Variants in DMD observed in about 807,000 individuals in gnomAD.
DMD encodes the protein mutant dystrophin.
A neutral mutation model predicts 330.1 loss-of-function variants in DMD; 63 were observed. That is an observed-to-expected ratio of 0.19 (90% CI 0.16 to 0.24). The LOEUF (loss-of-function observed/expected upper bound fraction) is 0.24, where lower values mean the gene tolerates loss of function less well. DMD is among the 10% of genes least tolerant of loss of function. The pLI, the probability that DMD is intolerant of heterozygous loss-of-function variation, is 1.00. For synonymous variants in DMD, 1,223 were observed against 959.8 expected (o/e 1.27, Z -5.07); for missense variants, 3,344 against 2,684.1 (o/e 1.25, Z -5.43).
At chrX:31,640,377 A>G (rs1440002549) in intron 54 of DMD, among the ~76,000 whole-genome samples, 1 of 112,481 alleles carries the variant, frequency 8.9e-6, no homozygotes, top group Non-Finnish European at 1.9e-5. Context: ...AACTATTTTA[A>G]GTTTACCTAA....
chrX:31,632,128 C>CCA (rs749477402), intron 54 of DMD, among the ~76,000 whole-genome samples: 1 of 110,702 alleles, frequency 9.0e-6, no homozygotes, highest in Admixed American at 9.7e-5. Flanking sequence ...CCTACTCCCG[C>CCA]CACACACACA....
intron 13 of DMD, among the ~76,000 whole-genome samples, chrX:32,578,714 T>C (rs1355385824): frequency 9.0e-6 from 1 of 111,557 alleles, no homozygotes; most frequent in Admixed American, 9.6e-5. Flanking sequence ...GGATAGAATA[T>C]GAAACCTAAA....
intron 2 of DMD, among the ~76,000 whole-genome samples, chrX:32,863,537 T>TACACACACACACACACACAC (rs199774174): frequency 9.1e-4 from 71 of 78,217 alleles, no homozygotes; most frequent in African/African-American, 3.8e-3. Flanking sequence ...ATTGTGTTTA[T>TACACACACACACACACACAC]ACACACACAC....
chrX:32,366,512 GAT>G (rs1193332634), intron 34 of DMD, among the ~76,000 whole-genome samples: 1 of 112,218 alleles, frequency 8.9e-6, no homozygotes, highest in African/African-American at 3.2e-5. Context: ...AGAAAGTCCA[GAT>G]ACAAATAATC....
At chrX:32,254,871 G>T (rs929339649) in intron 43 of DMD, among the ~76,000 whole-genome samples, 1 of 111,820 alleles carries the variant, frequency 8.9e-6, no homozygotes, top group East Asian at 2.8e-4. Flanking sequence ...TTCAACCATT[G>T]TAAGTGTATA....
chrX:33,122,023 C>T (rs867179506), intron 1 of DMD, among the ~76,000 whole-genome samples: 1 of 111,584 alleles, frequency 9.0e-6, no homozygotes, highest in Non-Finnish European at 1.9e-5. Context: ...GTCAGGAGTT[C>T]GAGACCAGCC....
At chrX:32,424,473 T>C (rs67323825) in intron 29 of DMD, among the ~76,000 whole-genome samples, 3,384 of 111,533 alleles carry the variant, frequency 0.03, 124 homozygotes, top group African/African-American at 0.094. Flanking sequence ...TGAGCCTAAA[T>C]TGTTAACTCC....
At chrX:33,030,658 C>G (rs753876775) in intron 1 of DMD, among the ~76,000 whole-genome samples, 100 of 111,520 alleles carry the variant, frequency 9.0e-4, no homozygotes, top group African/African-American at 3.1e-3. Context: ...GTCAAGGTCT[C>G]CAGTGTAATT....
At chrX:32,772,601 G>C (rs767816347) in intron 7 of DMD, among the ~76,000 whole-genome samples, 7 of 111,992 alleles carry the variant, frequency 6.3e-5, no homozygotes, top group African/African-American at 2.3e-4. Flanking sequence ...CAGCTCAAGA[G>C]CCTATGCTCT....
At chrX:32,677,332 T>C (rs1459539570) in intron 9 of DMD, among the ~76,000 whole-genome samples, 1 of 111,437 alleles carries the variant, frequency 9.0e-6, no homozygotes, top group Non-Finnish European at 1.9e-5. Flanking sequence ...ATTATATCAT[T>C]TGGAGATATA....
At chrX:31,663,257 G>A (rs1012703349) in intron 53 of DMD, among the ~76,000 whole-genome samples, 2 of 111,392 alleles carry the variant, frequency 1.8e-5, no homozygotes, top group African/African-American at 6.5e-5. Flanking sequence ...CCTTACATTG[G>A]GTGAATTAGC....
chrX:32,782,055 T>C (rs1372155469), intron 7 of DMD, among the ~76,000 whole-genome samples: 1 of 111,832 alleles, frequency 8.9e-6, no homozygotes, highest in Admixed American at 9.5e-5. Flanking sequence ...TATGAAATAG[T>C]AACATGGTAA....
intron 19 of DMD, among the ~76,000 whole-genome samples, chrX:32,492,309 G>A (rs756722000): frequency 1.8e-5 from 2 of 112,651 alleles, no homozygotes; most frequent in African/African-American, 6.4e-5. Flanking sequence ...CTGCACTCCA[G>A]CCTGGGTGAC....
intron 1 of DMD, among the ~76,000 whole-genome samples, chrX:33,142,618 C>T (rs776323038): frequency 1.8e-5 from 2 of 111,772 alleles, no homozygotes; most frequent in Admixed American, 1.9e-4. Context: ...CAGCCTCCCC[C>T]GAATAAATGA....
At chrX:31,628,942 A>ATATATATATATATATATATATATAT (rs1556765554) in intron 54 of DMD, among the ~76,000 whole-genome samples, 4 of 104,111 alleles carry the variant, frequency 3.8e-5, no homozygotes, top group African/African-American at 6.9e-5. Flanking sequence ...ATATATATAT[A>ATATATATATATATATATATATATAT]AAATGCATGT....
In DMD at chrX:32,636,578, T is replaced by C. The variant is rs187268848; in HGVS notation, c.1331+7554A>G. On this transcript the variant is annotated intron_variant, in intron 11 of 78. Coordinates refer to ENST00000357033, the MANE Select transcript of DMD (RefSeq NM_004006.3). ...CATCCATATAGCTGAACAGTTTAATTATTAATATTTTTCAACTATCCGAGG... is the reference window on the plus strand; with the variant it reads ...CATCCATATAGCTGAACAGTTTAATCATTAATATTTTTCAACTATCCGAGG... Among the ~76,000 whole-genome samples the C allele has an allele frequency of 5.7e-3, 644 of 112,207 alleles. 5 individuals carry two copies. Among genetic ancestry groups the C allele is most frequent in the African/African-American group, 0.018 (561 of 30,863 alleles).
chrX:32,673,021 T>G (rs1461413765), intron 9 of DMD, among the ~76,000 whole-genome samples: 1 of 111,464 alleles, frequency 9.0e-6, no homozygotes, highest in East Asian at 2.8e-4. Flanking sequence ...CCAATGTGGA[T>G]GTTTTCTGTA....
Position 32,654,170 on chromosome X carries a change from G to A in DMD, c.961-9018C>T, listed in dbSNP as rs754367745. Among the ~76,000 whole-genome samples the A allele has an allele frequency of 6.2e-3, 690 of 110,919 alleles. 4 individuals are homozygous for A. Among genetic ancestry groups the A allele is most frequent in the African/African-American group, 0.019 (590 of 30,422 alleles). On this transcript the variant is annotated intron_variant, in intron 9 of 78. Transcript: ENST00000357033. The stretch of plus-strand genomic sequence containing the variant: ...CTTCTTCTGCCTGATTGCCCTGGCC[G>A]GAACTTCCAACACTATGTTGAATAG...
At chrX:31,536,730 G>A (rs73453968) in intron 55 of DMD, among the ~76,000 whole-genome samples, 1,598 of 111,467 alleles carry the variant, frequency 0.014, 27 homozygotes, top group African/African-American at 0.05. Flanking sequence ...CTTCTCCCCT[G>A]ATGTTGTAAT....
Sources: gnomAD v4.1 joint callset for allele counts (sites outside exome capture counted in the v4.1 genomes callset) on GRCh38, gnomAD v4.1.1 for gene constraint, MANE v1.5 for transcripts, NCBI Gene and HGNC (gene_info 2026-07-23, HGNC 2026-07-21) for gene names.